The following SSH2 variants were observed in gnomAD, a reference collection of about 807,000 sequenced individuals.
SSH2 encodes slingshot protein phosphatase 2.
SSH2 carries 37 observed loss-of-function variants against 135.2 expected under a neutral mutation model. The ratio of observed to expected loss-of-function variants is 0.27; its 90% CI spans 0.21 to 0.36. The LOEUF is 0.36. Among genes scored for constraint, SSH2 ranks in the 10% least tolerant of loss-of-function variants. SSH2 has a pLI of 1.00. For synonymous variants in SSH2, 628 were observed against 646.2 expected (o/e 0.97, Z 0.43); for missense variants, 1,408 against 1,765.3 (o/e 0.80, Z 3.63).
intron 2 of SSH2, among the ~76,000 whole-genome samples, chr17:29,818,165 AT>A (rs1051850472): frequency 6.6e-6 from 1 of 150,462 alleles, no homozygotes; most frequent in African/African-American, 2.4e-5. Context: ...TATTTGTATT[AT>A]TTTTTATTAT....
intron 15 of SSH2, among the ~76,000 whole-genome samples, chr17:29,634,948 G>C (rs574127035): frequency 1.5e-4 from 23 of 152,258 alleles, no homozygotes; most frequent in African/African-American, 4.6e-4. Flanking sequence ...TGTCATCCAA[G>C]CTGGAGTACA....
chr17:29,873,293 C>A (rs887938312), intron 1 of SSH2, among the ~76,000 whole-genome samples: 2 of 152,136 alleles, frequency 1.3e-5, no homozygotes, highest in African/African-American at 4.8e-5. Flanking sequence ...GGCGCAGTGG[C>A]TCACACCTGT....
chr17:29,664,815 A>G lies in SSH2; in HGVS notation c.1032+2052T>C, dbSNP rs537033847. Among the ~76,000 whole-genome samples, 12 of 152,314 alleles carry G rather than the reference A, an allele frequency of 7.9e-5. No homozygotes were observed. The East Asian group carries it at 2.1e-3, about 27-fold the overall frequency. On this transcript the variant is annotated intron_variant, in intron 11 of 15. Coordinates refer to ENST00000540801, the MANE Select transcript of SSH2 (RefSeq NM_001282129.2). Reference sequence around the variant, plus strand: ...GGAAATTAGATTGTTTTTTCTGCTTACAATACTATTAAAATTTGCTTGCAT... The same window carrying G: ...GGAAATTAGATTGTTTTTTCTGCTTGCAATACTATTAAAATTTGCTTGCAT...
intron 1 of SSH2, among the ~76,000 whole-genome samples, chr17:29,897,125 A>C (rs2151453147): frequency 1.3e-5 from 2 of 152,150 alleles, no homozygotes. Flanking sequence ...CGAGCTCCTG[A>C]AGGAAGCACT....
chr17:29,723,562 C>T (rs1380058333), intron 3 of SSH2, among the ~76,000 whole-genome samples: 1 of 152,166 alleles, frequency 6.6e-6, no homozygotes, highest in African/African-American at 2.4e-5. Flanking sequence ...TTCTCTGGTA[C>T]ATGTGAAGAA....
intron 2 of SSH2, among the ~76,000 whole-genome samples, chr17:29,834,030 C>T (rs2042903010): frequency 7.1e-6 from 1 of 141,554 alleles, no homozygotes; most frequent in Admixed American, 7.3e-5. Flanking sequence ...TTTTGTGTAT[C>T]TATTGTAGGT....
intron 3 of SSH2, among the ~76,000 whole-genome samples, chr17:29,770,865 C>A (rs535541333): frequency 6.6e-6 from 1 of 152,290 alleles, no homozygotes; most frequent in African/African-American, 2.4e-5. Flanking sequence ...ATTTTTCAGA[C>A]CTAGTTTAAT....
intron 3 of SSH2, among the ~76,000 whole-genome samples, chr17:29,737,920 C>T (rs2040422459): frequency 6.6e-6 from 1 of 150,596 alleles, no homozygotes; most frequent in African/African-American, 2.4e-5. Flanking sequence ...GAGAAAGTCT[C>T]TTATTTATTT....
chr17:29,787,091 CT>C (rs1598998558), intron 3 of SSH2, among the ~76,000 whole-genome samples: 1 of 152,168 alleles, frequency 6.6e-6, no homozygotes, highest in African/African-American at 2.4e-5. Flanking sequence ...ATTTCTAGAA[CT>C]TTTTTCATCT....
intron 1 of SSH2, among the ~76,000 whole-genome samples, chr17:29,902,878 A>T (rs2066584706): frequency 6.6e-6 from 1 of 152,132 alleles, no homozygotes; most frequent in Non-Finnish European, 1.5e-5. Flanking sequence ...CATAGAATTC[A>T]ATTTAAGTCT....
chr17:29,913,065 C>A (rs1363871311), intron 1 of SSH2, among the ~76,000 whole-genome samples: 1 of 151,258 alleles, frequency 6.6e-6, no homozygotes, highest in Non-Finnish European at 1.5e-5. Context: ...GGCCTGTAAT[C>A]CCAGCACTTT....
At chr17:29,718,957 G>C (rs1019792966) in intron 3 of SSH2, among the ~76,000 whole-genome samples, 2 of 152,154 alleles carry the variant, frequency 1.3e-5, no homozygotes, top group African/African-American at 4.8e-5. Flanking sequence ...GCAGAACAAT[G>C]CTTTGTGACT....
intron 3 of SSH2, among the ~76,000 whole-genome samples, chr17:29,718,365 T>C (rs2039699792): frequency 6.6e-6 from 1 of 152,236 alleles, no homozygotes; most frequent in Non-Finnish European, 1.5e-5. Context: ...CCATCCTGTA[T>C]GTTGATGACT....
chr17:29,917,034 A>AG (rs1484561490), intron 1 of SSH2, among the ~76,000 whole-genome samples: 3 of 150,956 alleles, frequency 2.0e-5, no homozygotes, highest in African/African-American at 7.3e-5. Context: ...AAAAAAAAAA[A>AG]GGGTTTGTCA....
At chr17:29,768,537 G>A (rs890522215) in intron 3 of SSH2, among the ~76,000 whole-genome samples, 2 of 152,132 alleles carry the variant, frequency 1.3e-5, no homozygotes, top group African/African-American at 2.4e-5. Flanking sequence ...CTCCCAAAGT[G>A]TGGAGACTAC....
intron 1 of SSH2, among the ~76,000 whole-genome samples, chr17:29,868,183 C>A (rs2065883895): frequency 1.3e-5 from 2 of 152,164 alleles, no homozygotes; most frequent in Non-Finnish European, 2.9e-5. Flanking sequence ...CTGAATAACT[C>A]TCTAGGGCTC....
At chr17:29,889,839 A>G (rs959103498) in intron 1 of SSH2, among the ~76,000 whole-genome samples, 1 of 146,520 alleles carries the variant, frequency 6.8e-6, no homozygotes, top group African/African-American at 2.5e-5. Context: ...CCAGCCAGGT[A>G]TGAGATCAGA....
intron 1 of SSH2, among the ~76,000 whole-genome samples, chr17:29,855,014 C>T (rs1399064831): frequency 2.0e-5 from 3 of 152,174 alleles, no homozygotes; most frequent in Non-Finnish European, 2.9e-5. Context: ...CCTGTTGTTA[C>T]TGTTAAGTCT....
At position 29,894,624 on chromosome 17, in the gene SSH2, A is replaced by C. The variant is rs1279354964; in HGVS notation, c.63+35314T>G. 2.6e-5 allele frequency among the ~76,000 whole-genome samples: 4 copies of C among 152,076 alleles called. No individual in the cohort carries two copies. The East Asian group carries it at 5.8e-4, about 22-fold the overall frequency. On this transcript the variant is annotated intron_variant, in intron 1 of 15. Coordinates refer to ENST00000540801, the MANE Select transcript of SSH2 (RefSeq NM_001282129.2). Reference sequence around the variant, plus strand: ...GTTTTCCCAAATAGTTTCAATCCACAGTTGGTTGAATCTGCAGATGCAGAA... The same window carrying C: ...GTTTTCCCAAATAGTTTCAATCCACCGTTGGTTGAATCTGCAGATGCAGAA...
Sources: gnomAD v4.1 joint callset for allele counts (sites outside exome capture counted in the v4.1 genomes callset) on GRCh38, gnomAD v4.1.1 for gene constraint, MANE v1.5 for transcripts, NCBI Gene and HGNC (gene_info 2026-07-23, HGNC 2026-07-21) for gene names.